Variants in ZBTB40 observed in about 807,000 individuals in gnomAD.
ZBTB40 encodes zinc finger and BTB domain containing 40.
ZBTB40 carries 60 observed loss-of-function variants against 117.5 expected under a neutral mutation model. The observed-to-expected ratio is 0.51, with a 90% CI of 0.41 to 0.63. The LOEUF (loss-of-function observed/expected upper bound fraction) is 0.63. Among genes scored for constraint, ZBTB40 ranks in the 30% least tolerant of loss-of-function variants. The probability of loss-of-function intolerance (pLI) is 0.00; values close to 1 mark genes in which losing one functional copy is unlikely to be tolerated. For synonymous variants in ZBTB40, 525 were observed against 577.1 expected, an observed-to-expected ratio of 0.91 and a Z score of 1.29; for missense variants, 1,287 against 1,498.5, an observed-to-expected ratio of 0.86 and a Z score of 2.33.
At chr1:22,443,703 G>A (rs968617876) in intron 1 of ZBTB40, among the ~76,000 whole-genome samples, 10 of 152,196 alleles carry the variant, frequency 6.6e-5, no homozygotes, top group Non-Finnish European at 1.0e-4. Flanking sequence ...AATTTCCCCC[G>A]CAAGAGACGG....
At chr1:22,488,988 G>A (rs183167821) in intron 1 of ZBTB40, among the ~76,000 whole-genome samples, 18 of 152,232 alleles carry the variant, frequency 1.2e-4, no homozygotes, top group Admixed American at 2.6e-4. Flanking sequence ...TGGATATAGC[G>A]TATGAGAAAA....
At chr1:22,524,180 T>C (rs1375332010) in intron 16 of ZBTB40, 38 bp from the exon 17 acceptor site, 3 of 1,598,670 alleles carry the variant, frequency 1.9e-6, no homozygotes, top group South Asian at 1.1e-5. Flanking sequence ...CAGAGAATTT[T>C]ACCCACAGCC....
At chr1:22,485,082 C>A (rs115582694) in intron 1 of ZBTB40, among the ~76,000 whole-genome samples, 1 of 152,108 alleles carries the variant, frequency 6.6e-6, no homozygotes, top group African/African-American at 2.4e-5. Context: ...TCTATCTTAA[C>A]GAGAGATACT....
At position 22,511,262 on chromosome 1, in the gene ZBTB40, G is replaced by A. The variant is rs140676819; in HGVS notation, c.1917G>A (p.Pro639=). The A allele has an allele frequency of 8.5e-5, 137 of 1,613,876 alleles. No individual in the cohort carries two copies. The highest frequency in any genetic ancestry group is 4.4e-4 in the African/African-American group (33 of 74,862). The change falls in exon 10 of 18, where the codon CCG becomes CCA. Residue 639 remains proline, a synonymous_variant. Transcript: ENST00000375647. ...GCAGAGCCATGGAAAAATCAGTCCCGGCCATTGAAATATGCCACCTCCTGT... is the reference window on the plus strand; with the variant it reads ...GCAGAGCCATGGAAAAATCAGTCCCAGCCATTGAAATATGCCACCTCCTGT... ...VLSRAMEKSV[P]AIEICHLLCS...
chr1:22,498,237 A>T (rs1235143520), intron 3 of ZBTB40, among the ~76,000 whole-genome samples: 1 of 152,236 alleles, frequency 6.6e-6, no homozygotes, highest in African/African-American at 2.4e-5. Context: ...ATGTATGGTT[A>T]AAGAACTTAG....
In ZBTB40 at chr1:22,529,657, A is replaced by G. The variant is rs893015592; in HGVS notation, c.*3261A>G. The G allele has an allele frequency of 3.9e-5, 6 of 152,178 alleles. No homozygotes were observed. The highest frequency in any genetic ancestry group is 2.0e-4 in the Admixed American group (3 of 15,278). 9.4% of individuals were successfully genotyped at this position (152,178 alleles called of 1,614,324 possible). ...TTTATGGGTAAAGAGACATGAAGAG[A>G]CAGCCTCTCTCTTCTGTCTCAGAAG... On this transcript the variant is annotated 3_prime_UTR_variant, in exon 18 of 18. Transcript: ENST00000375647.
chr1:22,504,898 T>G (rs1639037647), intron 5 of ZBTB40, among the ~76,000 whole-genome samples: 1 of 152,240 alleles, frequency 6.6e-6, no homozygotes, highest in Non-Finnish European at 1.5e-5. Context: ...GAACCAAGAT[T>G]TAGCTCTGAA....
chr1:22,515,487 G>T (rs912375983), intron 12 of ZBTB40, among the ~76,000 whole-genome samples: 3 of 152,166 alleles, frequency 2.0e-5, no homozygotes, highest in Non-Finnish European at 4.4e-5. Context: ...CAAGCTTTCG[G>T]CAGAGTTCCT....
chr1:22,459,494 A>T (rs1479694175), intron 1 of ZBTB40, among the ~76,000 whole-genome samples: 1 of 152,216 alleles, frequency 6.6e-6, no homozygotes, highest in Non-Finnish European at 1.5e-5. Flanking sequence ...TGCTGTCTTT[A>T]TTGAATACTA....
At chr1:22,429,996 T>C (rs1193506723) in intron 1 of ZBTB40, among the ~76,000 whole-genome samples, 5 of 152,112 alleles carry the variant, frequency 3.3e-5, no homozygotes, top group Admixed American at 1.3e-4. Flanking sequence ...AAACTCCGTC[T>C]CAAAAAAATA....
chr1:22,477,950 C>T (rs954466679), intron 1 of ZBTB40, among the ~76,000 whole-genome samples: 8 of 152,082 alleles, frequency 5.3e-5, no homozygotes, highest in Non-Finnish European at 1.2e-4. Flanking sequence ...TCTTTTATAC[C>T]TCTTGTTTGT....
In ZBTB40 at chr1:22,511,767, A is replaced by G; in HGVS notation, c.2094A>G (p.Ala698=). 2 of 1,609,368 alleles carry G rather than the reference A, an allele frequency of 1.2e-6. No homozygotes were observed. The highest frequency in any genetic ancestry group is 8.5e-7 in the Non-Finnish European group (1 of 1,178,676). ...CCAACAACAAAGAAGATGAAAAGGC[A>G]GCCAAAGAAGACAGCCAGCCTGGGG... ...LEANNKEDEK[A]AKEDSQPGEQ... is the part of the protein sequence containing the mutation. Residue 698 remains alanine (A), a synonymous_variant, in exon 11 of 18, where the codon GCA becomes GCG. Transcript: ENST00000375647.
chr1:22,489,248 A>G (rs1353948603), intron 1 of ZBTB40, among the ~76,000 whole-genome samples: 2 of 152,118 alleles, frequency 1.3e-5, no homozygotes, highest in Non-Finnish European at 2.9e-5. Context: ...AAGAGAGGGA[A>G]GGTAAGAGGC....
At chr1:22,505,122 A>C (rs148686917) in intron 5 of ZBTB40, among the ~76,000 whole-genome samples, 2 of 152,202 alleles carry the variant, frequency 1.3e-5, no homozygotes, top group African/African-American at 4.8e-5. Context: ...TAATTTGATA[A>C]TGGCAGCCTC....
chr1:22,454,167 G>C (rs1485467046), intron 1 of ZBTB40, among the ~76,000 whole-genome samples: 1 of 152,134 alleles, frequency 6.6e-6, no homozygotes, highest in Admixed American at 6.5e-5. Context: ...TGTTCAGGCT[G>C]GTCTTGAAGT....
intron 1 of ZBTB40, among the ~76,000 whole-genome samples, chr1:22,482,197 G>T (rs961320430): frequency 7.2e-5 from 11 of 152,168 alleles, no homozygotes; most frequent in Non-Finnish European, 1.6e-4. Context: ...TGAGCAAGCT[G>T]AAAACAATCA....
At chr1:22,480,640 G>A (rs1490690971) in intron 1 of ZBTB40, among the ~76,000 whole-genome samples, 10 of 152,020 alleles carry the variant, frequency 6.6e-5, no homozygotes, top group African/African-American at 1.4e-4. Context: ...GTGAGCCACC[G>A]CGCCCTGCCC....
rs775958207 is a variant in ZBTB40 at position 22,524,212 on chromosome 1, CT to C, written c.3299-5del. 1.9e-6 allele frequency: 3 copies of C among 1,614,148 alleles called. No individual in the cohort carries two copies. The highest frequency in any genetic ancestry group is 2.5e-6 in the Non-Finnish European group (3 of 1,180,014). On this transcript the variant is annotated splice_polypyrimidine_tract_variant and splice_region_variant and intron_variant, in intron 16 of 17. Transcript: ENST00000375647. ...AGCCCTCCCCTTCTGTCTCCCTCTC[CT>C]CCAGGGTCCCAGCCATTCCGGTGCT...
chr1:22,506,270 T>G, intron 6 of ZBTB40, 29 bp downstream of exon 6: 1 of 1,610,290 alleles, frequency 6.2e-7, no homozygotes, highest in South Asian at 1.1e-5. Context: ...CTCTCTGGAC[T>G]GGAACCACTC....
Sources: gnomAD v4.1 joint callset for allele counts (sites outside exome capture counted in the v4.1 genomes callset) on GRCh38, gnomAD v4.1.1 for gene constraint, MANE v1.5 for transcripts, NCBI Gene and HGNC (gene_info 2026-07-23, HGNC 2026-07-21) for gene names.